Variants in GPC5 observed in about 807,000 individuals in gnomAD.
GPC5 encodes glypican-5.
Under a neutral mutation model 53.9 loss-of-function variants are expected in GPC5, and 47 were observed. The observed-to-expected ratio is 0.87, with a 90% CI of 0.69 to 1.11. The LOEUF (loss-of-function observed/expected upper bound fraction) is 1.11. GPC5 is among the 50% of genes most tolerant of loss of function. GPC5 has a pLI of 0.00. For synonymous variants in GPC5, 286 were observed against 263.3 expected, an observed-to-expected ratio of 1.09 and a Z score of -0.84; for missense variants, 748 against 713.1, an observed-to-expected ratio of 1.05 and a Z score of -0.56.
chr13:92,568,446 A>C (rs1333671), intron 7 of GPC5, among the ~76,000 whole-genome samples: 1 of 152,008 alleles, frequency 6.6e-6, no homozygotes, highest in African/African-American at 2.4e-5. Flanking sequence ...TTATTTATCC[A>C]CTGTCAGTAT....
At position 91,693,822 on chromosome 13, in the gene GPC5, T is replaced by C. The variant is rs1409751284; in HGVS notation, c.961T>C (p.Leu321=). 1 of 1,612,696 alleles carries C rather than the reference T, an allele frequency of 6.2e-7. No individual in the cohort carries two copies. The change falls in exon 3 of 8, where the codon TTG becomes CTG. Residue 321 remains leucine, a synonymous_variant. Transcript: ENST00000377067. ...DIGHVLLNFH[L]LVNDAVLQAH... ...TGGACACGTGCTGCTGAACTTTCAC[T>C]TGCTTGTTAATGATGCTGTGTTACA...
intron 5 of GPC5, among the ~76,000 whole-genome samples, chr13:91,805,309 T>C (rs151169575): frequency 1.3e-3 from 204 of 152,316 alleles, no homozygotes; most frequent in African/African-American, 4.6e-3. Flanking sequence ...TGTAAAAATA[T>C]GGCTAAAGAA....
At chr13:92,344,265 A>T (rs1752206616) in intron 7 of GPC5, among the ~76,000 whole-genome samples, 1 of 152,118 alleles carries the variant, frequency 6.6e-6, no homozygotes, top group Non-Finnish European at 1.5e-5. Flanking sequence ...ACCCCTTTAT[A>T]AAACCATCAG....
chr13:91,488,751 C>A (rs1883760860), intron 2 of GPC5, among the ~76,000 whole-genome samples: 1 of 152,172 alleles, frequency 6.6e-6, no homozygotes, highest in Non-Finnish European at 1.5e-5. Context: ...TGTGTTTGAA[C>A]AATATGTTCA....
chr13:91,650,689 A>G (rs16946400), intron 2 of GPC5, among the ~76,000 whole-genome samples: 9,559 of 151,292 alleles, frequency 0.063, 1,027 homozygotes, highest in African/African-American at 0.22. Context: ...ACTCATATTA[A>G]GCTCCAGGGA....
intron 6 of GPC5, among the ~76,000 whole-genome samples, chr13:92,045,877 T>G (rs1012933481): frequency 6.6e-6 from 1 of 152,070 alleles, no homozygotes; most frequent in Non-Finnish European, 1.5e-5. Flanking sequence ...AAAATTATAA[T>G]TTGCCTCATT....
At chr13:91,430,482 T>A (rs936493043) in intron 1 of GPC5, among the ~76,000 whole-genome samples, 1 of 152,170 alleles carries the variant, frequency 6.6e-6, no homozygotes, top group African/African-American at 2.4e-5. Context: ...TTTTTCTTCC[T>A]CTGTAAAGAC....
chr13:91,429,331 C>G (rs1295728878), intron 1 of GPC5, among the ~76,000 whole-genome samples: 1 of 151,944 alleles, frequency 6.6e-6, no homozygotes, highest in East Asian at 1.9e-4. Context: ...TAACAAACAC[C>G]AGTTAGTTGC....
rs572637979 is a variant in GPC5 at position 91,492,460 on chromosome 13, T to C, written c.325+43538T>C. 8.0e-4 allele frequency among the ~76,000 whole-genome samples: 122 copies of C among 152,278 alleles called. 3 individuals are homozygous for C. Among genetic ancestry groups the C allele is most frequent in the South Asian group, 7.3e-3 (35 of 4,822 alleles). Reference sequence around the variant, plus strand: ...GGGGAAGGGGCCACAGTCTAAGTCCTGGTCTGAGTCTGTAAGCTTAAAACT... The same window carrying C: ...GGGGAAGGGGCCACAGTCTAAGTCCCGGTCTGAGTCTGTAAGCTTAAAACT... On this transcript the variant is annotated intron_variant, in intron 2 of 7. Transcript: ENST00000377067.
chr13:91,445,157 C>A (rs992049310), intron 1 of GPC5, among the ~76,000 whole-genome samples: 2 of 152,060 alleles, frequency 1.3e-5, no homozygotes, highest in Admixed American at 6.6e-5. Flanking sequence ...GTTATTTTTT[C>A]TTTTCTTAAC....
intron 5 of GPC5, 123 bp from the exon 6 acceptor site, chr13:91,907,814 G>C (rs1380459239): frequency 1.1e-6 from 1 of 916,150 alleles, no homozygotes; most frequent in Non-Finnish European, 1.6e-6. Flanking sequence ...TCTGTTCCAA[G>C]AGAAAAATAC....
intron 7 of GPC5, among the ~76,000 whole-genome samples, chr13:92,556,993 G>A (rs1882516226): frequency 6.6e-6 from 1 of 151,842 alleles, no homozygotes; most frequent in South Asian, 2.1e-4. Flanking sequence ...GAGAGACACA[G>A]GGAATGTTTT....
intron 7 of GPC5, among the ~76,000 whole-genome samples, chr13:92,151,510 C>T (rs2041907318): frequency 6.6e-6 from 1 of 152,078 alleles, no homozygotes; most frequent in Non-Finnish European, 1.5e-5. Flanking sequence ...TGATTAAGGA[C>T]ATTTGGAACT....
At chr13:92,706,434 C>A (rs564826629) in intron 7 of GPC5, among the ~76,000 whole-genome samples, 1 of 151,840 alleles carries the variant, frequency 6.6e-6, no homozygotes, top group South Asian at 2.1e-4. Flanking sequence ...GAGAATTTTC[C>A]ACCAGAAAAA....
At chr13:92,788,808 T>C (rs1205093121) in intron 7 of GPC5, among the ~76,000 whole-genome samples, 1 of 152,088 alleles carries the variant, frequency 6.6e-6, no homozygotes, top group Non-Finnish European at 1.5e-5. Context: ...GGTCTCATAT[T>C]TGTGAAAGGA....
chr13:91,502,447 G>C (rs1884691629), intron 2 of GPC5, among the ~76,000 whole-genome samples: 1 of 152,152 alleles, frequency 6.6e-6, no homozygotes, highest in South Asian at 2.1e-4. Context: ...TAGCTTAAAA[G>C]GAGGCAGGTG....
At chr13:92,316,354 A>G (rs1392001559) in intron 7 of GPC5, among the ~76,000 whole-genome samples, 2 of 152,192 alleles carry the variant, frequency 1.3e-5, no homozygotes, top group East Asian at 3.8e-4. Context: ...CTTAAGCATG[A>G]CAAATATACA....
chr13:91,511,323 G>A (rs1885218813), intron 2 of GPC5, among the ~76,000 whole-genome samples: 1 of 151,748 alleles, frequency 6.6e-6, no homozygotes, highest in African/African-American at 2.4e-5. Context: ...CTTTCTCTTT[G>A]GTTTTCAGGA....
At chr13:91,952,460 A>T (rs2040035931) in intron 6 of GPC5, among the ~76,000 whole-genome samples, 1 of 152,174 alleles carries the variant, frequency 6.6e-6, no homozygotes, top group Admixed American at 6.5e-5. Context: ...AGTTCTTCAG[A>T]ACATGGCCCT....
Sources: allele counts gnomAD v4.1 joint callset (sites outside exome capture counted in the v4.1 genomes callset), GRCh38; gene constraint gnomAD v4.1.1; transcripts MANE v1.5; gene names NCBI Gene and HGNC (gene_info 2026-07-23, HGNC 2026-07-21).